SKAP2: variants seen among roughly 807,000 people sequenced by gnomAD.
SKAP2 encodes src kinase-associated phosphoprotein 2.
SKAP2 carries 28 observed loss-of-function variants against 54.9 expected under a neutral mutation model. The ratio of observed to expected loss-of-function variants is 0.51; its 90% CI spans 0.38 to 0.70. The LOEUF (loss-of-function observed/expected upper bound fraction) is 0.70. SKAP2 is among the 30% of genes least tolerant of loss of function. SKAP2 has a pLI of 0.00. For synonymous variants in SKAP2, 137 were observed against 134.3 expected (o/e 1.02, Z -0.14); for missense variants, 356 against 424.1 (o/e 0.84, Z 1.41).
Position 26,788,253 on chromosome 7 carries a change from A to C in SKAP2, c.308-48289T>G, listed in dbSNP as rs557800743. On this transcript the variant is annotated intron_variant, in intron 4 of 12. Transcript: ENST00000345317. Reference sequence around the variant, plus strand: ...CATATTGTTATGAAGTTACAGTACCAGAACAATCAGTAGATAATTAGAAGC... The same window carrying C: ...CATATTGTTATGAAGTTACAGTACCCGAACAATCAGTAGATAATTAGAAGC... Among the ~76,000 whole-genome samples the C allele has an allele frequency of 4.6e-5, 7 of 152,374 alleles. No individual in the cohort carries two copies. The South Asian group carries it at 1.4e-3, about 32-fold the overall frequency.
intron 9 of SKAP2, among the ~76,000 whole-genome samples, chr7:26,706,318 GCA>G (rs1353261710): frequency 6.6e-6 from 1 of 151,884 alleles, no homozygotes; most frequent in Non-Finnish European, 1.5e-5. Flanking sequence ...CAAACTTTTG[GCA>G]CCAAATTTTG....
chr7:26,826,556 A>G (rs1404116032), intron 4 of SKAP2, among the ~76,000 whole-genome samples: 2 of 152,188 alleles, frequency 1.3e-5, no homozygotes, highest in African/African-American at 4.8e-5. Flanking sequence ...CAAATGTGAA[A>G]AACTATTACC....
chr7:26,744,745 C>A (rs1782526506), intron 4 of SKAP2, among the ~76,000 whole-genome samples: 1 of 151,916 alleles, frequency 6.6e-6, no homozygotes, highest in South Asian at 2.1e-4. Flanking sequence ...CACATACACA[C>A]ACACACACAA....
rs1290286535 is a variant in SKAP2, at chr7:26,707,038, T to C, written c.797-16676A>G. Among the ~76,000 whole-genome samples the C allele has an allele frequency of 2.0e-4, 31 of 152,210 alleles. 1 individual carries two copies. The highest frequency in any genetic ancestry group is 2.0e-3 in the Admixed American group (31 of 15,274). On this transcript the variant is annotated intron_variant, in intron 9 of 12. Coordinates refer to ENST00000345317, the MANE Select transcript of SKAP2 (RefSeq NM_003930.5). The stretch of plus-strand genomic sequence containing the variant: ...CGGCCATTTAAAATCTCTTCCTTCA[T>C]AAATTTAACAAAAATTTCTTCTTGT...
chr7:26,696,835 C>T (rs1221912300), intron 9 of SKAP2, among the ~76,000 whole-genome samples: 1 of 152,074 alleles, frequency 6.6e-6, no homozygotes, highest in East Asian at 1.9e-4. Context: ...GATCGCTTAA[C>T]AGTTTGAGTT....
rs149769196 is a variant in SKAP2, at chr7:26,757,007, A to G, written c.308-17043T>C. Among the ~76,000 whole-genome samples the G allele has an allele frequency of 4.7e-3, 713 of 152,208 alleles. 6 individuals carry two copies. The highest frequency in any genetic ancestry group is 0.016 in the African/African-American group (670 of 41,518). The stretch of plus-strand genomic sequence containing the variant: ...TGAGAAGTGTCTGTTCATACCCTTC[A>G]CCCACTTTTTGATGGGGTTGTTTTT... On this transcript the variant is annotated intron_variant, in intron 4 of 12. Transcript: ENST00000345317.
chr7:26,842,977 T>C (rs534103508), intron 4 of SKAP2, among the ~76,000 whole-genome samples: 1 of 152,176 alleles, frequency 6.6e-6, no homozygotes, highest in South Asian at 2.1e-4. Context: ...CTACACTTTG[T>C]ACAAAGTTCT....
chr7:26,862,071 A>G (rs1033254218), intron 1 of SKAP2, among the ~76,000 whole-genome samples: 1 of 152,022 alleles, frequency 6.6e-6, no homozygotes, highest in Non-Finnish European at 1.5e-5. Context: ...AATAGACTAA[A>G]TAAGCCAGCA....
At chr7:26,769,079 A>G (rs970132660) in intron 4 of SKAP2, among the ~76,000 whole-genome samples, 1 of 152,138 alleles carries the variant, frequency 6.6e-6, no homozygotes, top group African/African-American at 2.4e-5. Context: ...TCTCCCTGTC[A>G]CTTTCAGGTA....
At chr7:26,831,672 C>A (rs1422393553) in intron 4 of SKAP2, among the ~76,000 whole-genome samples, 2 of 152,046 alleles carry the variant, frequency 1.3e-5, no homozygotes, top group Non-Finnish European at 2.9e-5. Flanking sequence ...CTATTATTAT[C>A]CTTAATTTGA....
intron 4 of SKAP2, among the ~76,000 whole-genome samples, chr7:26,801,265 A>G (rs1783908679): frequency 6.6e-6 from 1 of 152,214 alleles, no homozygotes; most frequent in African/African-American, 2.4e-5. Flanking sequence ...CCATATGATC[A>G]TTTCAACTGA....
intron 4 of SKAP2, among the ~76,000 whole-genome samples, chr7:26,799,046 G>C (rs1783846723): frequency 6.6e-6 from 1 of 150,464 alleles, no homozygotes; most frequent in Non-Finnish European, 1.5e-5. Flanking sequence ...AAAGAGGAGG[G>C]GAGGGGCGGG....
At chr7:26,718,118 C>A (rs754021547) in intron 9 of SKAP2, among the ~76,000 whole-genome samples, 23 of 152,038 alleles carry the variant, frequency 1.5e-4, no homozygotes, top group Non-Finnish European at 2.5e-4. Flanking sequence ...TCCTTTGAGG[C>A]CTGTGTAAGG....
At chr7:26,734,928 A>G (rs1787892533) in intron 6 of SKAP2, among the ~76,000 whole-genome samples, 1 of 152,168 alleles carries the variant, frequency 6.6e-6, no homozygotes, top group Non-Finnish European at 1.5e-5. Flanking sequence ...TTCAACCAAC[A>G]AACTCCTACT....
chr7:26,837,885 G>C (rs1784746851), intron 4 of SKAP2, among the ~76,000 whole-genome samples: 1 of 149,852 alleles, frequency 6.7e-6, no homozygotes, highest in Non-Finnish European at 1.5e-5. Flanking sequence ...CTGGGGAAGA[G>C]GGAAAAAGTA....
chr7:26,848,987 T>A (rs1387812363), intron 3 of SKAP2, among the ~76,000 whole-genome samples: 1 of 152,218 alleles, frequency 6.6e-6, no homozygotes, highest in Non-Finnish European at 1.5e-5. Context: ...GTCCCATCAT[T>A]TCAAACATGC....
intron 4 of SKAP2, among the ~76,000 whole-genome samples, chr7:26,784,757 T>A (rs1179776730): frequency 6.6e-6 from 1 of 152,180 alleles, no homozygotes; most frequent in Non-Finnish European, 1.5e-5. Flanking sequence ...ACAGAAAAAT[T>A]ATTTTTAAAA....
intron 4 of SKAP2, among the ~76,000 whole-genome samples, chr7:26,770,733 C>T (rs1288427456): frequency 6.6e-6 from 1 of 152,136 alleles, no homozygotes; most frequent in Non-Finnish European, 1.5e-5. Flanking sequence ...CTTGCACTTC[C>T]CCGGTGAGAT....
chr7:26,852,480 A>C (rs375606419), intron 3 of SKAP2, among the ~76,000 whole-genome samples: 108 of 152,306 alleles, frequency 7.1e-4, no homozygotes, highest in African/African-American at 2.5e-3. Context: ...TGATTAGTTA[A>C]CTCAATACAG....
Sources: gnomAD v4.1 joint callset for allele counts (sites outside exome capture counted in the v4.1 genomes callset) on GRCh38, gnomAD v4.1.1 for gene constraint, MANE v1.5 for transcripts, NCBI Gene and HGNC (gene_info 2026-07-23, HGNC 2026-07-21) for gene names.